Variants in ROBO1 observed in about 807,000 individuals in gnomAD.
ROBO1 encodes roundabout guidance receptor 1, also known as roundabout homolog 1.
Under a neutral mutation model 195.9 loss-of-function variants are expected in ROBO1, and 149 were observed. The observed-to-expected ratio is 0.76, with a 90% CI of 0.67 to 0.87. The LOEUF (loss-of-function observed/expected upper bound fraction) is 0.87. Ranked by LOEUF, ROBO1 falls within the 40% of genes least tolerant of loss-of-function variation. The pLI is 0.00. For synonymous variants in ROBO1, 816 were observed against 733.2 expected, an observed-to-expected ratio of 1.11 and a Z score of -1.82; for missense variants, 1,933 against 2,068.3, an observed-to-expected ratio of 0.93 and a Z score of 1.27.
chr3:79,592,239 T>G (rs537742986), intron 1 of ROBO1, among the ~76,000 whole-genome samples: 23 of 152,076 alleles, frequency 1.5e-4, no homozygotes, highest in Non-Finnish European at 5.9e-5. Flanking sequence ...ATGCAATAAT[T>G]ATAAGAAATT....
intron 2 of ROBO1, among the ~76,000 whole-genome samples, chr3:79,257,930 A>G (rs570042746): frequency 6.6e-6 from 1 of 152,240 alleles, no homozygotes; most frequent in East Asian, 1.9e-4. Context: ...GGAGTTTAAA[A>G]TTCCAACTGG....
intron 3 of ROBO1, among the ~76,000 whole-genome samples, chr3:79,027,509 GA>G: frequency 6.6e-6 from 1 of 152,146 alleles, no homozygotes; most frequent in African/African-American, 2.4e-5. Flanking sequence ...TGAGGACTAT[GA>G]TTCTAAATAC....
intron 3 of ROBO1, among the ~76,000 whole-genome samples, chr3:79,062,233 A>T (rs563117985): frequency 6.6e-6 from 1 of 152,304 alleles, no homozygotes; most frequent in East Asian, 1.9e-4. Flanking sequence ...TGCAGCCCAC[A>T]GACATATGAA....
chr3:79,316,899 C>G (rs1030156543), intron 2 of ROBO1, among the ~76,000 whole-genome samples: 3 of 152,052 alleles, frequency 2.0e-5, no homozygotes, highest in Non-Finnish European at 2.9e-5. Context: ...GAATATTAAA[C>G]ATTATCATTG....
chr3:78,860,326 A>ATTTTTT lies in ROBO1; in HGVS notation c.499+78269_499+78274dup, dbSNP rs1553750391. Among the ~76,000 whole-genome samples the ATTTTTT allele has an allele frequency of 5.0e-4, 47 of 93,518 alleles. No individual in the cohort carries two copies. In the East Asian group the frequency reaches 0.01, roughly 20 times the overall value. The allele number at this position is 93,518 out of a possible 152,430, so 61.4% of individuals were successfully genotyped here. ...ACTATATATATATATATATATATAT[A>ATTTTTT]TTTTTTTTTTTTTACTCATAAGGTG... On this transcript the variant is annotated intron_variant, in intron 4 of 30. Coordinates refer to ENST00000464233, the MANE Select transcript of ROBO1 (RefSeq NM_002941.4).
At chr3:78,722,463 A>C (rs987454571) in intron 5 of ROBO1, among the ~76,000 whole-genome samples, 8 of 152,182 alleles carry the variant, frequency 5.3e-5, no homozygotes, top group Non-Finnish European at 5.9e-5. Flanking sequence ...TAAAACTTTC[A>C]TATCAATGCA....
chr3:79,643,618 T>C (rs535765694), intron 1 of ROBO1, among the ~76,000 whole-genome samples: 1 of 152,326 alleles, frequency 6.6e-6, no homozygotes, highest in South Asian at 2.1e-4. Context: ...TTGTTTCTAT[T>C]CTTTTCTTTG....
chr3:79,688,674 A>G (rs1947207990), intron 1 of ROBO1, among the ~76,000 whole-genome samples: 1 of 152,068 alleles, frequency 6.6e-6, no homozygotes. Flanking sequence ...TACAATTTAT[A>G]AGAACTAGAA....
intron 1 of ROBO1, among the ~76,000 whole-genome samples, chr3:79,733,290 C>G (rs781547696): frequency 4.6e-5 from 7 of 152,162 alleles, no homozygotes; most frequent in African/African-American, 1.4e-4. Context: ...GTTAGAAAAA[C>G]TTTCTCATAT....
In ROBO1 at chr3:79,597,478, GAATT is replaced by G. The variant is rs1163509094; in HGVS notation, c.-50-7521_-50-7518del. On this transcript the variant is annotated intron_variant, in intron 1 of 30. Coordinates refer to ENST00000464233, the MANE Select transcript of ROBO1 (RefSeq NM_002941.4). ...GTACATAAAGCACAGTTTTAAATCTGAATTAATTAAAACATTCTATTATTTTTCA... is the reference window on the plus strand; with the variant it reads ...GTACATAAAGCACAGTTTTAAATCTGAATTAAAACATTCTATTATTTTTCA... 2.6e-5 allele frequency among the ~76,000 whole-genome samples: 4 copies of G among 151,908 alleles called. 1 individual carries two copies. The highest frequency in any genetic ancestry group is 7.2e-5 in the African/African-American group (3 of 41,468).
intron 3 of ROBO1, among the ~76,000 whole-genome samples, chr3:79,053,252 A>G (rs1223986942): frequency 1.3e-5 from 2 of 151,438 alleles, no homozygotes; most frequent in Non-Finnish European, 2.9e-5. Context: ...CCTCTCCCAC[A>G]CGGCCTTTGT....
At chr3:79,018,369 G>GGGA (rs754007373) in intron 3 of ROBO1, 1 of 1,612,816 alleles carries the variant, frequency 6.2e-7, no homozygotes, top group South Asian at 1.1e-5. Flanking sequence ...GGGGCGAACA[G>GGGA]GGAGGATCAA....
intron 5 of ROBO1, among the ~76,000 whole-genome samples, chr3:78,746,023 G>A (rs756815343): frequency 1.4e-4 from 21 of 152,154 alleles, no homozygotes; most frequent in Non-Finnish European, 2.8e-4. Context: ...AAAGAGAATC[G>A]TAAAGGGAAA....
intron 2 of ROBO1, among the ~76,000 whole-genome samples, chr3:79,485,857 C>T (rs1385950992): frequency 6.6e-6 from 1 of 152,140 alleles, no homozygotes; most frequent in East Asian, 1.9e-4. Context: ...CCAATTTTAC[C>T]TATCTTTGAA....
intron 2 of ROBO1, among the ~76,000 whole-genome samples, chr3:79,353,699 T>C (rs2035432426): frequency 6.6e-6 from 1 of 152,130 alleles, no homozygotes; most frequent in South Asian, 2.1e-4. Flanking sequence ...CAGAGGGCTA[T>C]GGTGTTGGTG....
At chr3:79,182,628 A>C (rs1275171157) in intron 2 of ROBO1, among the ~76,000 whole-genome samples, 1 of 151,784 alleles carries the variant, frequency 6.6e-6, no homozygotes, top group East Asian at 1.9e-4. Context: ...CTGAAAATGT[A>C]AGTTTAGGGG....
At chr3:79,462,127 G>C (rs1186046250) in intron 2 of ROBO1, among the ~76,000 whole-genome samples, 2 of 152,098 alleles carry the variant, frequency 1.3e-5, no homozygotes, top group Non-Finnish European at 2.9e-5. Context: ...GGATTTTATG[G>C]ATTGTAGGGT....
chr3:78,718,621 T>C (rs1222776342), intron 5 of ROBO1, among the ~76,000 whole-genome samples: 1 of 152,146 alleles, frequency 6.6e-6, no homozygotes, highest in Admixed American at 6.5e-5. Flanking sequence ...TGAATTAAGA[T>C]TGGACTATCC....
At chr3:79,463,322 C>T (rs1937758161) in intron 2 of ROBO1, among the ~76,000 whole-genome samples, 1 of 151,414 alleles carries the variant, frequency 6.6e-6, no homozygotes, top group Non-Finnish European at 1.5e-5. Flanking sequence ...TTGCAGTGAG[C>T]TGAGGTCGCG....
Sources: allele counts gnomAD v4.1 joint callset (sites outside exome capture counted in the v4.1 genomes callset), GRCh38; gene constraint gnomAD v4.1.1; transcripts MANE v1.5; gene names NCBI Gene and HGNC (gene_info 2026-07-23, HGNC 2026-07-21).